Variants in RABGAP1L observed in about 807,000 individuals in gnomAD.
The protein encoded by RABGAP1L is RAB GTPase activating protein 1 like.
A neutral mutation model predicts 137.7 loss-of-function variants in RABGAP1L; 63 were observed. The ratio of observed to expected loss-of-function variants is 0.46; its 90% confidence interval spans 0.37 to 0.56. The LOEUF is 0.56. Among genes scored for constraint, RABGAP1L ranks in the 20% least tolerant of loss-of-function variants. The probability of loss-of-function intolerance (pLI) is 0.00; values close to 1 mark genes in which losing one functional copy is unlikely to be tolerated. For missense variants in RABGAP1L, 1,095 were observed against 1,244.0 expected (o/e 0.88, Z 1.80); for synonymous variants, 431 against 433.7 (o/e 0.99, Z 0.08).
chr1:174,958,271 A>T (rs1260343344), intron 20 of RABGAP1L: 1 of 1,085,576 alleles, frequency 9.2e-7, no homozygotes, highest in Non-Finnish European at 1.2e-6. Context: ...GAAGTTTCAG[A>T]ATCAAAATAA....
chr1:174,830,979 G>A (rs1310288498), intron 19 of RABGAP1L, among the ~76,000 whole-genome samples: 1 of 147,820 alleles, frequency 6.8e-6, no homozygotes, highest in Non-Finnish European at 1.5e-5. Flanking sequence ...GGTTTCCAGA[G>A]TTCGGAGGAG....
chr1:174,695,758 TTC>T (rs1557992709), intron 15 of RABGAP1L, among the ~76,000 whole-genome samples: 1 of 152,224 alleles, frequency 6.6e-6, no homozygotes, highest in Non-Finnish European at 1.5e-5. Context: ...TGAGAAGGCT[TTC>T]CAAAGGGAAT....
At chr1:174,369,122 C>T (rs933131195) in intron 11 of RABGAP1L, among the ~76,000 whole-genome samples, 4 of 152,104 alleles carry the variant, frequency 2.6e-5, no homozygotes, top group Non-Finnish European at 4.4e-5. Flanking sequence ...ATACTTGGTA[C>T]CAATTTATAA....
intron 19 of RABGAP1L, among the ~76,000 whole-genome samples, chr1:174,922,765 T>G (rs546532361): frequency 1.3e-5 from 2 of 152,228 alleles, no homozygotes; most frequent in Non-Finnish European, 2.9e-5. Context: ...TGGTTAAAAG[T>G]GTGGGCTCTG....
chr1:174,462,077 C>A (rs1458682123), intron 13 of RABGAP1L, among the ~76,000 whole-genome samples: 1 of 152,036 alleles, frequency 6.6e-6, no homozygotes. Context: ...GGTCTTGAAC[C>A]ATTCTTGTAA....
At chr1:174,538,722 C>T (rs1665099823) in intron 13 of RABGAP1L, among the ~76,000 whole-genome samples, 1 of 151,954 alleles carries the variant, frequency 6.6e-6, no homozygotes, top group South Asian at 2.1e-4. Context: ...ATATATGAAA[C>T]CCATTATAGA....
At chr1:174,403,239 GTGTGTGTGTA>G (rs1245793638) in intron 13 of RABGAP1L, among the ~76,000 whole-genome samples, 1 of 129,154 alleles carries the variant, frequency 7.7e-6, no homozygotes, top group African/African-American at 3.6e-5. Flanking sequence ...GTGTGTGTGT[GTGTGTGTGTA>G]TATATATGTG....
chr1:174,787,799 T>TG (rs1038130170), intron 18 of RABGAP1L, among the ~76,000 whole-genome samples: 1 of 152,156 alleles, frequency 6.6e-6, no homozygotes, highest in Non-Finnish European at 1.5e-5. Flanking sequence ...TAGAATAGTC[T>TG]GGGGGAGAAA....
At chr1:174,182,315 G>A (rs1424700369) in intron 1 of RABGAP1L, among the ~76,000 whole-genome samples, 1 of 152,162 alleles carries the variant, frequency 6.6e-6, no homozygotes, top group African/African-American at 2.4e-5. Context: ...GAATTTCTCT[G>A]TATTTTGGTT....
At chr1:174,459,748 A>G (rs1183198136) in intron 13 of RABGAP1L, among the ~76,000 whole-genome samples, 2 of 152,024 alleles carry the variant, frequency 1.3e-5, no homozygotes, top group Non-Finnish European at 2.9e-5. Context: ...AACCCTATGA[A>G]TATGGAGGAC....
intron 13 of RABGAP1L, among the ~76,000 whole-genome samples, chr1:174,603,464 G>A (rs1670562220): frequency 6.6e-6 from 1 of 152,032 alleles, no homozygotes; most frequent in Non-Finnish European, 1.5e-5. Flanking sequence ...CCTGGTAATT[G>A]CCAATCTTCA....
chr1:174,586,654 A>G (rs1053482865), intron 13 of RABGAP1L, among the ~76,000 whole-genome samples: 4 of 152,062 alleles, frequency 2.6e-5, no homozygotes, highest in South Asian at 2.1e-4. Context: ...CTGGAGTGCA[A>G]TGGCACGATC....
chr1:174,271,068 GGAGA>G (rs1217048979), intron 7 of RABGAP1L, among the ~76,000 whole-genome samples: 12 of 152,084 alleles, frequency 7.9e-5, no homozygotes, highest in African/African-American at 2.9e-4. Flanking sequence ...AGAATTCATA[GGAGA>G]GAGATCATAG....
At chr1:174,283,631 C>T (rs1256399039) in intron 10 of RABGAP1L, among the ~76,000 whole-genome samples, 2 of 151,920 alleles carry the variant, frequency 1.3e-5, no homozygotes, top group South Asian at 2.1e-4. Context: ...CTCAGCCTCC[C>T]GAGTAGCTGG....
chr1:174,488,915 CT>C (rs1659941230), intron 13 of RABGAP1L, among the ~76,000 whole-genome samples: 1 of 106,476 alleles, frequency 9.4e-6, no homozygotes, highest in South Asian at 4.4e-4. Flanking sequence ...TCCCTCCCCC[CT>C]CCCCCCACCC....
At chr1:174,866,262 T>C (rs1022012190) in intron 19 of RABGAP1L, among the ~76,000 whole-genome samples, 1 of 152,134 alleles carries the variant, frequency 6.6e-6, no homozygotes, top group Non-Finnish European at 1.5e-5. Context: ...TATAGAAATA[T>C]AAAAACATAT....
In RABGAP1L at chr1:174,469,633, G is replaced by GA. The variant is rs200695332; in HGVS notation, c.1710+75495dup. ...GGGGTTCCATCCTGGAAGCTCTACA[G>GA]AAAAAAATCCCTCACTATAAGCTCT... On this transcript the variant is annotated intron_variant, in intron 13 of 25. Coordinates refer to ENST00000681986, the MANE Select transcript of RABGAP1L (RefSeq NM_001366446.1). Among the ~76,000 whole-genome samples, 1,438 of 152,180 alleles carry GA rather than the reference G, an allele frequency of 9.4e-3. 24 individuals are homozygous for GA. The highest frequency in any genetic ancestry group is 0.033 in the African/African-American group (1,378 of 41,508).
At chr1:174,629,600 G>A (rs1673175958) in intron 13 of RABGAP1L, among the ~76,000 whole-genome samples, 1 of 152,064 alleles carries the variant, frequency 6.6e-6, no homozygotes. Context: ...TCGGCTCACT[G>A]CAACCTCCAC....
At chr1:174,948,718 C>G (rs932484004) in intron 19 of RABGAP1L, 1 of 152,056 alleles carries the variant, frequency 6.6e-6, no homozygotes, top group African/African-American at 2.4e-5. Context: ...GGTGACTGAT[C>G]ATACCTCAGA....
Sources: allele counts gnomAD v4.1 joint callset (sites outside exome capture counted in the v4.1 genomes callset), GRCh38; gene constraint gnomAD v4.1.1; transcripts MANE v1.5; gene names NCBI Gene and HGNC (gene_info 2026-07-23, HGNC 2026-07-21).